Variants in TAFA2 observed in about 807,000 individuals in gnomAD.
TAFA2 encodes the protein TAFA chemokine like family member 2, also known as chemokine-like protein TAFA-2.
A neutral mutation model predicts 18.8 loss-of-function variants in TAFA2; 7 were observed. The ratio of observed to expected loss-of-function variants is 0.37; its 90% confidence interval spans 0.21 to 0.70. The LOEUF is 0.70. Among genes scored for constraint, TAFA2 ranks in the 30% least tolerant of loss-of-function variants. The pLI, the probability that TAFA2 is intolerant of heterozygous loss-of-function variation, is 0.53. For synonymous variants in TAFA2, 60 were observed against 54.2 expected (o/e 1.11, Z -0.47); for missense variants, 122 against 158.1 (o/e 0.77, Z 1.23).
At chr12:61,970,610 G>T (rs1879214308) in intron 1 of TAFA2, among the ~76,000 whole-genome samples, 1 of 151,260 alleles carries the variant, frequency 6.6e-6, no homozygotes, top group African/African-American at 2.4e-5. Flanking sequence ...AAGGAGTTTG[G>T]TAATAACAAA....
chr12:62,080,195 C>G (rs1025096335), intron 1 of TAFA2, among the ~76,000 whole-genome samples: 19 of 152,236 alleles, frequency 1.2e-4, no homozygotes, highest in African/African-American at 4.6e-4. Flanking sequence ...TCAAAGCAAG[C>G]AACAAAGATT....
intron 4 of TAFA2, 33 bp downstream of exon 4, chr12:61,753,589 C>T: frequency 1.9e-6 from 3 of 1,596,206 alleles, no homozygotes; most frequent in Middle Eastern, 1.7e-4. Context: ...AATTCAGAGA[C>T]ATTCTGTTTT....
At chr12:62,079,268 T>G (rs1868283998) in intron 1 of TAFA2, among the ~76,000 whole-genome samples, 1 of 152,170 alleles carries the variant, frequency 6.6e-6, no homozygotes. Flanking sequence ...TACATGCCTC[T>G]CTATCAAATA....
At chr12:61,713,148 G>A (rs932167367) in intron 4 of TAFA2, among the ~76,000 whole-genome samples, 3 of 152,100 alleles carry the variant, frequency 2.0e-5, no homozygotes, top group Non-Finnish European at 4.4e-5. Context: ...AACCTAAATG[G>A]AGGTGTAAAC....
At chr12:62,112,746 G>A (rs978100876) in intron 1 of TAFA2, among the ~76,000 whole-genome samples, 13 of 151,474 alleles carry the variant, frequency 8.6e-5, no homozygotes, top group East Asian at 1.9e-4. Flanking sequence ...CTTCAATCTC[G>A]TATCTTTTCT....
chr12:62,118,827 T>C (rs1444280011), intron 1 of TAFA2, among the ~76,000 whole-genome samples: 1 of 152,176 alleles, frequency 6.6e-6, no homozygotes, highest in Non-Finnish European at 1.5e-5. Flanking sequence ...TTGTAGATAA[T>C]TTTTTGTGCT....
chr12:62,137,310 G>A (rs1592358848), intron 1 of TAFA2, among the ~76,000 whole-genome samples: 1 of 152,242 alleles, frequency 6.6e-6, no homozygotes, highest in East Asian at 1.9e-4. Flanking sequence ...ATTTAGGTAT[G>A]CTAAGCCCTC....
intron 1 of TAFA2, among the ~76,000 whole-genome samples, chr12:61,922,746 G>GA (rs1208314089): frequency 2.0e-5 from 3 of 152,128 alleles, no homozygotes; most frequent in Non-Finnish European, 1.5e-5. Flanking sequence ...CAGAGAGACA[G>GA]AACCATTCAC....
chr12:61,768,591 T>C (rs1724244247), intron 2 of TAFA2, among the ~76,000 whole-genome samples: 1 of 152,054 alleles, frequency 6.6e-6, no homozygotes, highest in South Asian at 2.1e-4. Flanking sequence ...GGGAGAAGGA[T>C]TTGACCTTAC....
intron 2 of TAFA2, among the ~76,000 whole-genome samples, chr12:61,812,110 T>G (rs1210093302): frequency 6.6e-6 from 1 of 151,396 alleles, no homozygotes; most frequent in African/African-American, 2.5e-5. Flanking sequence ...AGCAGCATGA[T>G]GCAACCTGGC....
At chr12:61,946,253 T>C (rs1375029636) in intron 1 of TAFA2, among the ~76,000 whole-genome samples, 1 of 151,024 alleles carries the variant, frequency 6.6e-6, no homozygotes, top group Non-Finnish European at 1.5e-5. Context: ...TGGCTAGCCA[T>C]ATGTAGAAAG....
chr12:61,999,378 A>G (rs534423037), intron 1 of TAFA2, among the ~76,000 whole-genome samples: 78 of 152,336 alleles, frequency 5.1e-4, no homozygotes, highest in African/African-American at 1.7e-3. Context: ...AGGTATTAAT[A>G]TCTACATCTG....
chr12:61,744,737 G>C (rs1868619387), intron 4 of TAFA2, among the ~76,000 whole-genome samples: 1 of 151,912 alleles, frequency 6.6e-6, no homozygotes, highest in African/African-American at 2.4e-5. Flanking sequence ...GTTTTTTACA[G>C]ACTGGGTCTC....
chr12:61,887,434 G>C (rs536222171), intron 1 of TAFA2, among the ~76,000 whole-genome samples: 2 of 148,246 alleles, frequency 1.3e-5, no homozygotes, highest in African/African-American at 2.6e-5. Flanking sequence ...TGAGCTAATT[G>C]CTTTTTTTTT....
At chr12:61,980,354 C>A (rs565587160) in intron 1 of TAFA2, among the ~76,000 whole-genome samples, 21 of 152,232 alleles carry the variant, frequency 1.4e-4, no homozygotes, top group African/African-American at 4.3e-4. Flanking sequence ...CAATATCATA[C>A]TGAATGGACA....
intron 1 of TAFA2, among the ~76,000 whole-genome samples, chr12:62,207,897 G>A (rs1009261100): frequency 3.9e-5 from 6 of 152,150 alleles, no homozygotes; most frequent in African/African-American, 1.4e-4. Context: ...GGCCCTCCCT[G>A]TGGTAAGTCA....
At chr12:61,764,233 TAGATA>T (rs1869690344) in intron 2 of TAFA2, among the ~76,000 whole-genome samples, 1 of 37,280 alleles carries the variant, frequency 2.7e-5, no homozygotes, top group African/African-American at 8.9e-5. Flanking sequence ...GATTGATTGA[TAGATA>T]GATAGATAGA....
At chr12:62,156,583 A>AATAT (rs552112378) in intron 1 of TAFA2, among the ~76,000 whole-genome samples, 1 of 152,046 alleles carries the variant, frequency 6.6e-6, no homozygotes, top group African/African-American at 2.4e-5. Flanking sequence ...AAGAAACTGT[A>AATAT]ATATATATAT....
At chr12:61,722,019 C>T (rs567716788) in intron 4 of TAFA2, among the ~76,000 whole-genome samples, 1 of 151,824 alleles carries the variant, frequency 6.6e-6, no homozygotes, top group Non-Finnish European at 1.5e-5. Flanking sequence ...TCAAAACATA[C>T]TATTTGAATT....
Sources: gnomAD v4.1 joint callset for allele counts (sites outside exome capture counted in the v4.1 genomes callset) on GRCh38, gnomAD v4.1.1 for gene constraint, MANE v1.5 for transcripts, NCBI Gene and HGNC (gene_info 2026-07-23, HGNC 2026-07-21) for gene names.